The following SLC22A4 variants were observed in gnomAD, a reference collection of about 807,000 sequenced individuals.
SLC22A4 encodes the protein ET transporter.
In SLC22A4, 39 loss-of-function variants were observed where a neutral mutation model predicts 56.6. That is an observed-to-expected ratio of 0.69 (90% CI 0.53 to 0.90). The LOEUF (loss-of-function observed/expected upper bound fraction) is 0.90, where lower values mean the gene tolerates loss of function less well. Ranked by LOEUF, SLC22A4 falls within the 40% of genes least tolerant of loss-of-function variation. The pLI is 0.00. For missense variants in SLC22A4, 594 were observed against 696.5 expected (o/e 0.85, Z 1.66); for synonymous variants, 241 against 281.4 (o/e 0.86, Z 1.44).
chr5:132,327,171 CA>C, intron 4 of SLC22A4, 105 bp from the exon 5 acceptor site: 1 of 925,262 alleles, frequency 1.1e-6, no homozygotes, highest in Non-Finnish European at 1.6e-6. Flanking sequence ...TTTAAAAAGA[CA>C]AACTAGAATT....
chr5:132,340,080 T>G (rs1751163571), intron 8 of SLC22A4, among the ~76,000 whole-genome samples: 1 of 148,556 alleles, frequency 6.7e-6, no homozygotes, highest in Non-Finnish European at 1.5e-5. Flanking sequence ...TTTTTTTTTT[T>G]TTTTTTTTTG....
chr5:132,313,870 G>A (rs1481639093), intron 3 of SLC22A4, 102 bp downstream of exon 3: 3 of 1,259,788 alleles, frequency 2.4e-6, no homozygotes, highest in Non-Finnish European at 3.5e-6. Context: ...CAAAGCCTTT[G>A]GATATATGTG....
intron 1 of SLC22A4, among the ~76,000 whole-genome samples, chr5:132,304,803 A>G (rs1467465639): frequency 6.6e-6 from 1 of 152,220 alleles, no homozygotes; most frequent in African/African-American, 2.4e-5. Context: ...GAGAGGGTCC[A>G]CATGTCAGAT....
At chr5:132,311,906 G>A (rs1409479906) in intron 1 of SLC22A4, 1 of 575,588 alleles carries the variant, frequency 1.7e-6, no homozygotes, top group Non-Finnish European at 3.1e-6. Flanking sequence ...CGGAGTAGGA[G>A]CATCACCCTC....
chr5:132,339,503 C>CACACACACACACA, intron 8 of SLC22A4, among the ~76,000 whole-genome samples: 4 of 150,544 alleles, frequency 2.7e-5, no homozygotes, highest in South Asian at 2.1e-4. Flanking sequence ...CACACACACA[C>CACACACACACACA]CTGAAAACAT....
At position 132,312,163 on chromosome 5, in the gene SLC22A4, G is replaced by T. The variant is rs149111296; in HGVS notation, c.396G>T (p.Trp132Cys). The T allele has an allele frequency of 2.5e-6, 4 of 1,601,800 alleles. No individual in the cohort carries two copies. Among genetic ancestry groups the T allele is most frequent in the Non-Finnish European group, 3.4e-6 (4 of 1,168,716 alleles). ...DVYLSTVVTE[W>C]NLVCEDNWKV... Reference sequence around the variant, plus strand: ...CTTCATGCTGTCTTCCTTGGCAGTGGAATCTGGTGTGTGAGGACAACTGGA... The same window carrying T: ...CTTCATGCTGTCTTCCTTGGCAGTGTAATCTGGTGTGTGAGGACAACTGGA... The change falls in exon 2 of 10, where the codon TGG becomes TGT. Residue 132 changes from tryptophan (W) to cysteine (C), a missense_variant and splice_region_variant. Transcript: ENST00000200652.
At chr5:132,324,533 G>C (rs1750633762) in intron 4 of SLC22A4, 1 of 471,048 alleles carries the variant, frequency 2.1e-6, no homozygotes, top group Admixed American at 2.3e-5. Context: ...ACAGAGGCCA[G>C]CCTGGGACCA....
chr5:132,315,219 G>A (rs990095210), intron 3 of SLC22A4, among the ~76,000 whole-genome samples: 4 of 152,114 alleles, frequency 2.6e-5, no homozygotes, highest in Non-Finnish European at 5.9e-5. Flanking sequence ...ATGTGGCTCT[G>A]CTTGGGCCAG....
At chr5:132,324,113 G>C (rs781644260) in intron 4 of SLC22A4, among the ~76,000 whole-genome samples, 2 of 152,060 alleles carry the variant, frequency 1.3e-5, no homozygotes, top group Non-Finnish European at 2.9e-5. Context: ...GGTCCCTTGA[G>C]CCTGGGAGTT....
chr5:132,317,836 T>C (rs943387910), intron 3 of SLC22A4, among the ~76,000 whole-genome samples: 1 of 152,242 alleles, frequency 6.6e-6, no homozygotes, highest in Non-Finnish European at 1.5e-5. Flanking sequence ...AAATTTGAAG[T>C]TGCCTCAAAA....
intron 5 of SLC22A4, among the ~76,000 whole-genome samples, chr5:132,330,526 G>T (rs1750824950): frequency 6.6e-6 from 1 of 152,182 alleles, no homozygotes; most frequent in Non-Finnish European, 1.5e-5. Context: ...AGGAGTTTGA[G>T]ACCAGCCTGG....
chr5:132,342,896 A>C (rs2126748140), intron 9 of SLC22A4, among the ~76,000 whole-genome samples: 1 of 152,324 alleles, frequency 6.6e-6, no homozygotes, highest in East Asian at 1.9e-4. Flanking sequence ...AGAGGTTTTC[A>C]TGGAGGTTTA....
chr5:132,328,958 A>C (rs1750776765), intron 5 of SLC22A4, among the ~76,000 whole-genome samples: 1 of 148,498 alleles, frequency 6.7e-6, no homozygotes, highest in Non-Finnish European at 1.5e-5. Flanking sequence ...AAAAATTTTG[A>C]GTCTCACTGT....
At chr5:132,317,086 G>A (rs1315492804) in intron 3 of SLC22A4, among the ~76,000 whole-genome samples, 1 of 152,182 alleles carries the variant, frequency 6.6e-6, no homozygotes, top group Non-Finnish European at 1.5e-5. Context: ...GAAAGAGAGA[G>A]TGAGCCATAG....
At chr5:132,318,014 C>A (rs1244272701) in intron 3 of SLC22A4, among the ~76,000 whole-genome samples, 1 of 152,242 alleles carries the variant, frequency 6.6e-6, no homozygotes, top group Non-Finnish European at 1.5e-5. Flanking sequence ...TGTGCCTCTG[C>A]AGCCAATGCA....
At position 132,311,610 on chromosome 5, in the gene SLC22A4, C is replaced by T. The variant is rs140721398; in HGVS notation, c.394-551C>T. 3.4e-3 allele frequency: 571 copies of T among 167,678 alleles called. 2 individuals carry two copies. The highest frequency in any genetic ancestry group is 0.01 in the African/African-American group (437 of 41,778). The allele number at this position is 167,678 out of a possible 1,614,324, so 10.4% of individuals were successfully genotyped here. ...AATCAGGCCACAAGCTTGGCCTAGGCGTGAGTGGACCAGGGACCACATGAT... is the reference window on the plus strand; with the variant it reads ...AATCAGGCCACAAGCTTGGCCTAGGTGTGAGTGGACCAGGGACCACATGAT... On this transcript the variant is annotated intron_variant, in intron 1 of 9. Coordinates refer to ENST00000200652, the MANE Select transcript of SLC22A4 (RefSeq NM_003059.3).
At chr5:132,333,569 G>A (rs1336509033) in intron 6 of SLC22A4, among the ~76,000 whole-genome samples, 1 of 152,154 alleles carries the variant, frequency 6.6e-6, no homozygotes, top group East Asian at 1.9e-4. Context: ...GGAAATCTGG[G>A]CGGTGAGAGT....
chr5:132,303,414 C>T (rs968905052), intron 1 of SLC22A4, among the ~76,000 whole-genome samples: 7 of 152,182 alleles, frequency 4.6e-5, no homozygotes, highest in African/African-American at 1.7e-4. Flanking sequence ...TGAGTCATAA[C>T]TCCTTCAGCC....
At chr5:132,332,730 G>GCA (rs3840351) in intron 6 of SLC22A4, among the ~76,000 whole-genome samples, 7,991 of 145,464 alleles carry the variant, frequency 0.055, 279 homozygotes, top group African/African-American at 0.098. Flanking sequence ...TATGATGGCA[G>GCA]CACACACACA....
Sources: gnomAD v4.1 joint callset for allele counts (sites outside exome capture counted in the v4.1 genomes callset) on GRCh38, gnomAD v4.1.1 for gene constraint, MANE v1.5 for transcripts, NCBI Gene and HGNC (gene_info 2026-07-23, HGNC 2026-07-21) for gene names.